PARD3: variants seen among roughly 807,000 people sequenced by gnomAD.
PARD3 encodes par-3 family cell polarity regulator.
In PARD3, 75 loss-of-function variants were observed where a neutral mutation model predicts 155.4. That is an observed-to-expected ratio of 0.48 (90% CI 0.40 to 0.58). The LOEUF is 0.58. Among genes scored for constraint, PARD3 ranks in the 20% least tolerant of loss-of-function variants. PARD3 has a pLI of 0.00. For synonymous variants in PARD3, 576 were observed against 610.5 expected, an observed-to-expected ratio of 0.94 and a Z score of 0.83; for missense variants, 1,642 against 1,721.7, an observed-to-expected ratio of 0.95 and a Z score of 0.82.
intron 22 of PARD3, among the ~76,000 whole-genome samples, chr10:34,164,172 GA>G (rs1949414147): frequency 1.3e-5 from 2 of 152,258 alleles, no homozygotes. Context: ...AACTAAGGAA[GA>G]AAAGGAAGAA....
intron 2 of PARD3, among the ~76,000 whole-genome samples, chr10:34,585,604 A>G (rs933522622): frequency 2.0e-5 from 3 of 151,106 alleles, no homozygotes; most frequent in Non-Finnish European, 2.9e-5. Flanking sequence ...CTGTGCACAG[A>G]AAGTGAAAAT....
chr10:34,198,550 G>GT (rs1308141222), intron 22 of PARD3, among the ~76,000 whole-genome samples: 11 of 152,050 alleles, frequency 7.2e-5, no homozygotes, highest in African/African-American at 2.7e-4. Context: ...TCAGTGGGTA[G>GT]TGGGGTCATT....
At chr10:34,365,508 C>T (rs529600515) in intron 12 of PARD3, among the ~76,000 whole-genome samples, 23 of 152,134 alleles carry the variant, frequency 1.5e-4, no homozygotes, top group Non-Finnish European at 2.9e-4. Flanking sequence ...GTGCCTGGGG[C>T]ATGACATTTA....
At chr10:34,337,091 A>C (rs1836273991) in intron 17 of PARD3, among the ~76,000 whole-genome samples, 184 bp downstream of exon 17, 1 of 152,184 alleles carries the variant, frequency 6.6e-6, no homozygotes, top group South Asian at 2.1e-4. Context: ...TTATGTAAAC[A>C]TGCCACTTAT....
intron 2 of PARD3, among the ~76,000 whole-genome samples, chr10:34,583,983 G>C (rs1032789290): frequency 6.6e-6 from 1 of 151,762 alleles, no homozygotes; most frequent in African/African-American, 2.4e-5. Flanking sequence ...TAGAGCCTTT[G>C]GTATACATAA....
intron 22 of PARD3, among the ~76,000 whole-genome samples, chr10:34,263,826 T>C (rs1024379096): frequency 2.0e-5 from 3 of 152,190 alleles, no homozygotes; most frequent in Non-Finnish European, 4.4e-5. Flanking sequence ...CTGGCAGACA[T>C]TTGATTGGTA....
intron 1 of PARD3, among the ~76,000 whole-genome samples, chr10:34,767,515 A>G (rs1838249038): frequency 1.3e-5 from 2 of 152,034 alleles, no homozygotes; most frequent in Non-Finnish European, 2.9e-5. Context: ...TCATTAATTG[A>G]GCTAATGAGA....
intron 2 of PARD3, among the ~76,000 whole-genome samples, chr10:34,547,453 T>C (rs527729068): frequency 6.6e-6 from 1 of 152,362 alleles, no homozygotes; most frequent in South Asian, 2.1e-4. Context: ...TAATTATGAC[T>C]AGAGATAATC....
intron 24 of PARD3, 135 bp from the exon 25 acceptor site, chr10:34,111,697 C>G: frequency 2.8e-6 from 2 of 719,038 alleles, no homozygotes; most frequent in Non-Finnish European, 4.6e-6. Flanking sequence ...ATGCCAGACA[C>G]TGCGATAGGG....
intron 3 of PARD3, among the ~76,000 whole-genome samples, chr10:34,498,752 G>C (rs1439959080): frequency 6.6e-6 from 1 of 152,140 alleles, no homozygotes; most frequent in African/African-American, 2.4e-5. Context: ...ACTCCAGCCT[G>C]AGCAAAAGAG....
rs150751600 is a variant in PARD3 at position 34,354,430 on chromosome 10, T to C, written c.2067+4717A>G. On this transcript the variant is annotated intron_variant, in intron 14 of 24. Coordinates refer to ENST00000374788, the MANE Select transcript of PARD3 (RefSeq NM_001184785.2). ...GGGTTGCTCTTCGTCATTCAGCCTG[T>C]GCTGATGTGTCAGGCCTGGGTTGGA... Among the ~76,000 whole-genome samples the C allele has an allele frequency of 5.4e-3, 817 of 151,068 alleles. 4 individuals carry two copies. The highest frequency in any genetic ancestry group is 0.019 in the African/African-American group (772 of 41,200).
chr10:34,576,480 T>C (rs2086896360), intron 2 of PARD3, among the ~76,000 whole-genome samples: 2 of 152,126 alleles, frequency 1.3e-5, no homozygotes, highest in South Asian at 4.1e-4. Flanking sequence ...CAAGAAATTT[T>C]TGAAGAAGAT....
intron 2 of PARD3, among the ~76,000 whole-genome samples, chr10:34,695,901 C>T (rs988981174): frequency 6.6e-6 from 1 of 152,126 alleles, no homozygotes; most frequent in Non-Finnish European, 1.5e-5. Flanking sequence ...GCCAAGGCCA[C>T]GGTTGGGATG....
At chr10:34,473,219 T>C (rs968204670) in intron 3 of PARD3, among the ~76,000 whole-genome samples, 4 of 152,216 alleles carry the variant, frequency 2.6e-5, no homozygotes, top group Non-Finnish European at 4.4e-5. Context: ...TTCAGCAATA[T>C]TTATAAAATA....
chr10:34,688,055 G>A (rs1271895283), intron 2 of PARD3, among the ~76,000 whole-genome samples: 1 of 151,686 alleles, frequency 6.6e-6, no homozygotes, highest in Non-Finnish European at 1.5e-5. Context: ...GTCTCGTTAG[G>A]TTGCCCAGGC....
At chr10:34,349,390 G>C (rs1837761311) in intron 14 of PARD3, among the ~76,000 whole-genome samples, 1 of 151,916 alleles carries the variant, frequency 6.6e-6, no homozygotes. Flanking sequence ...TGCAGCTCTA[G>C]TGAATTAGAC....
intron 2 of PARD3, among the ~76,000 whole-genome samples, chr10:34,647,939 A>G (rs1198279614): frequency 6.6e-6 from 1 of 152,248 alleles, no homozygotes; most frequent in Non-Finnish European, 1.5e-5. Flanking sequence ...GGGATCAAAG[A>G]GGAGGGTGCA....
At chr10:34,809,615 G>C (rs1438936172) in intron 1 of PARD3, among the ~76,000 whole-genome samples, 1 of 152,224 alleles carries the variant, frequency 6.6e-6, no homozygotes, top group Non-Finnish European at 1.5e-5. Flanking sequence ...TGAGTCCCAG[G>C]GGGTGGAGCA....
At chr10:34,131,320 G>C (rs1448858236) in intron 23 of PARD3, 143 bp downstream of exon 23, 1 of 775,668 alleles carries the variant, frequency 1.3e-6, no homozygotes, top group African/African-American at 1.7e-5. Flanking sequence ...AGATGGAAAT[G>C]AGGAAAAGGT....
Sources: gnomAD v4.1 joint callset for allele counts (sites outside exome capture counted in the v4.1 genomes callset) on GRCh38, gnomAD v4.1.1 for gene constraint, MANE v1.5 for transcripts, NCBI Gene and HGNC (gene_info 2026-07-23, HGNC 2026-07-21) for gene names.